BABAM2: variants seen among roughly 807,000 people sequenced by gnomAD.
BABAM2 encodes BRISC and BRCA1 A complex member 2, also known as BRISC and BRCA1-A complex member 2.
A neutral mutation model predicts 54.7 loss-of-function variants in BABAM2; 31 were observed. That is an observed-to-expected ratio of 0.57 (90% CI 0.43 to 0.77). The LOEUF (loss-of-function observed/expected upper bound fraction) is 0.77. Ranked by LOEUF, BABAM2 falls within the 30% of genes least tolerant of loss-of-function variation. The pLI is 0.00. For synonymous variants in BABAM2, 167 were observed against 162.9 expected (o/e 1.03, Z -0.19); for missense variants, 364 against 455.8 (o/e 0.80, Z 1.83).
chr2:28,306,125 T>A (rs111646225), intron 11 of BABAM2, among the ~76,000 whole-genome samples: 17 of 152,312 alleles, frequency 1.1e-4, no homozygotes, highest in African/African-American at 4.1e-4. Context: ...TTGTTGAGAA[T>A]TGTTTTGTAG....
At chr2:28,258,343 T>C (rs906380735) in intron 10 of BABAM2, among the ~76,000 whole-genome samples, 1 of 152,202 alleles carries the variant, frequency 6.6e-6, no homozygotes, top group Non-Finnish European at 1.5e-5. Context: ...AACTCAGTAA[T>C]GTACTGCCAT....
chr2:28,220,018 T>G (rs1489572500), intron 7 of BABAM2, among the ~76,000 whole-genome samples: 3 of 152,190 alleles, frequency 2.0e-5, no homozygotes, highest in African/African-American at 7.2e-5. Context: ...CTGGGCCTGT[T>G]TCTGACGACG....
At chr2:28,137,098 GA>G in intron 7 of BABAM2, among the ~76,000 whole-genome samples, 1 of 151,778 alleles carries the variant, frequency 6.6e-6, no homozygotes, top group East Asian at 1.9e-4. Flanking sequence ...AGATTTTAAA[GA>G]AAAAAATTCT....
At chr2:28,189,199 CAAAA>C (rs78120565) in intron 7 of BABAM2, among the ~76,000 whole-genome samples, 1 of 136,472 alleles carries the variant, frequency 7.3e-6, no homozygotes, top group Admixed American at 7.5e-5. Context: ...GACTCCCTCT[CAAAA>C]AAAAAAAAAG....
chr2:28,263,593 C>G (rs747315469), intron 10 of BABAM2, among the ~76,000 whole-genome samples: 1 of 152,204 alleles, frequency 6.6e-6, no homozygotes, highest in Admixed American at 6.5e-5. Context: ...CCATTTTCCT[C>G]GAGTGCCATA....
intron 11 of BABAM2, among the ~76,000 whole-genome samples, chr2:28,332,061 G>A (rs141739084): frequency 3.7e-4 from 56 of 152,226 alleles, no homozygotes; most frequent in Middle Eastern, 3.4e-3. Context: ...AACTAACACC[G>A]GAACAGAAAA....
At chr2:28,333,311 C>T (rs954981193) in intron 11 of BABAM2, among the ~76,000 whole-genome samples, 1 of 152,150 alleles carries the variant, frequency 6.6e-6, no homozygotes, top group African/African-American at 2.4e-5. Context: ...CCGCCTGGCT[C>T]CAGAGCCTGC....
intron 7 of BABAM2, among the ~76,000 whole-genome samples, chr2:28,159,485 G>A (rs1206058893): frequency 6.6e-6 from 1 of 152,176 alleles, no homozygotes; most frequent in Non-Finnish European, 1.5e-5. Flanking sequence ...AGGAGAGAAT[G>A]GTCATTCCAG....
chr2:28,052,780 G>A (rs1678096706), intron 6 of BABAM2, among the ~76,000 whole-genome samples: 1 of 152,128 alleles, frequency 6.6e-6, no homozygotes, highest in Admixed American at 6.5e-5. Context: ...AAAACAAAGT[G>A]TGTGTATGAC....
intron 2 of BABAM2, among the ~76,000 whole-genome samples, chr2:27,907,322 C>G (rs1306015104): frequency 6.6e-6 from 1 of 151,332 alleles, no homozygotes; most frequent in Non-Finnish European, 1.5e-5. Context: ...TTATTGATAA[C>G]AAACCTTGAA....
At chr2:28,177,747 A>T (rs967542311) in intron 7 of BABAM2, among the ~76,000 whole-genome samples, 2 of 151,982 alleles carry the variant, frequency 1.3e-5, no homozygotes, top group African/African-American at 4.8e-5. Context: ...GCCTAAAAAA[A>T]CTCACTTCAC....
chr2:27,914,926 C>T (rs1457744296), intron 2 of BABAM2, among the ~76,000 whole-genome samples: 1 of 150,152 alleles, frequency 6.7e-6, no homozygotes, highest in East Asian at 1.9e-4. Flanking sequence ...AGACTAGATG[C>T]TTCCTGTCCT....
intron 3 of BABAM2, among the ~76,000 whole-genome samples, chr2:27,975,659 C>G (rs1474676441): frequency 6.6e-6 from 1 of 151,950 alleles, no homozygotes; most frequent in Non-Finnish European, 1.5e-5. Flanking sequence ...GAGTTAGATA[C>G]AACAGTAGAA....
chr2:27,911,025 G>A (rs1190875586), intron 2 of BABAM2, among the ~76,000 whole-genome samples: 2 of 152,104 alleles, frequency 1.3e-5, no homozygotes, highest in Non-Finnish European at 2.9e-5. Context: ...TTTTATAAGG[G>A]GCTTTTCCCC....
At chr2:28,286,100 C>A (rs939829635) in intron 10 of BABAM2, among the ~76,000 whole-genome samples, 3 of 151,950 alleles carry the variant, frequency 2.0e-5, no homozygotes, top group Non-Finnish European at 2.9e-5. Context: ...GGATTACAGG[C>A]AGGCACCACC....
intron 7 of BABAM2, among the ~76,000 whole-genome samples, chr2:28,197,219 A>G (rs189062322): frequency 3.3e-5 from 5 of 152,272 alleles, no homozygotes; most frequent in African/African-American, 9.6e-5. Flanking sequence ...CATCAGGTAT[A>G]GAAAGACTTT....
intron 2 of BABAM2, among the ~76,000 whole-genome samples, chr2:27,900,703 T>C (rs1345752776): frequency 2.0e-5 from 3 of 152,192 alleles, no homozygotes; most frequent in African/African-American, 2.4e-5. Flanking sequence ...CTTTCTGTTA[T>C]GCATAATTCT....
At chr2:28,257,207 A>G (rs890808800) in intron 10 of BABAM2, among the ~76,000 whole-genome samples, 3 of 152,224 alleles carry the variant, frequency 2.0e-5, no homozygotes, top group Admixed American at 6.5e-5. Context: ...TTTTTGAGGT[A>G]TAATTTACAT....
At chr2:28,053,846 A>G (rs769070008) in intron 6 of BABAM2, among the ~76,000 whole-genome samples, 2 of 152,110 alleles carry the variant, frequency 1.3e-5, no homozygotes, top group Admixed American at 6.6e-5. Context: ...GCTACAGACA[A>G]TATGTAAATG....
Sources: allele counts gnomAD v4.1 joint callset (sites outside exome capture counted in the v4.1 genomes callset), GRCh38; gene constraint gnomAD v4.1.1; transcripts MANE v1.5; gene names NCBI Gene and HGNC (gene_info 2026-07-23, HGNC 2026-07-21).